USP6NL: variants seen among roughly 807,000 people sequenced by gnomAD.
USP6NL encodes USP6 N-terminal-like protein.
In USP6NL, 26 loss-of-function variants were observed where a neutral mutation model predicts 61.9. That is an observed-to-expected ratio of 0.42 (90% CI 0.31 to 0.58). The LOEUF is 0.58. Among genes scored for constraint, USP6NL ranks in the 20% least tolerant of loss-of-function variants. The probability of loss-of-function intolerance (pLI) is 0.16; values close to 1 mark genes in which losing one functional copy is unlikely to be tolerated. For synonymous variants in USP6NL, 432 were observed against 390.1 expected (o/e 1.11, Z -1.27); for missense variants, 1,114 against 1,034.3 (o/e 1.08, Z -1.06).
chr10:11,509,241 C>G (rs1278570713), intron 6 of USP6NL, among the ~76,000 whole-genome samples: 1 of 152,192 alleles, frequency 6.6e-6, no homozygotes, highest in Non-Finnish European at 1.5e-5. Flanking sequence ...TCCAGTGATT[C>G]TGACCTCAAA....
At chr10:11,514,885 C>A (rs1239468342) in intron 5 of USP6NL, among the ~76,000 whole-genome samples, 1 of 152,234 alleles carries the variant, frequency 6.6e-6, no homozygotes, top group Non-Finnish European at 1.5e-5. Flanking sequence ...CACCTCTACT[C>A]CCTCTGCTAT....
Position 11,585,304 on chromosome 10 carries a change from A to T in USP6NL, c.4+12327T>A, listed in dbSNP as rs1451467987. On this transcript the variant is annotated intron_variant, in intron 2 of 14. Coordinates refer to ENST00000609104, the MANE Select transcript of USP6NL (RefSeq NM_014688.5). This position sits in a 1 kb window ranked among gnomAD's most constrained non-coding sequence, Gnocchi z 4.5. Reference sequence around the variant, plus strand: ...CAGTATGGCAGTTCCTTGCAAAATTAAAAAAAAGAATTACAGTATGATCCA... The same window carrying T: ...CAGTATGGCAGTTCCTTGCAAAATTTAAAAAAAGAATTACAGTATGATCCA... Among the ~76,000 whole-genome samples the T allele has an allele frequency of 1.3e-5, 2 of 152,074 alleles. No homozygotes were observed. Among genetic ancestry groups the T allele is most frequent in the Non-Finnish European group, 2.9e-5 (2 of 68,016 alleles).
Position 11,611,237 on chromosome 10 carries a change from G to A in USP6NL, c.-84+206C>T, listed in dbSNP as rs927893657. On this transcript the variant is annotated intron_variant, in intron 1 of 14. Coordinates refer to ENST00000609104, the MANE Select transcript of USP6NL (RefSeq NM_014688.5). The surrounding 1 kb of genome is among the most constrained non-coding windows in gnomAD (Gnocchi z 5.3). Reference sequence around the variant, plus strand: ...GCCCCGCGGACCCCACGCTCCGGGCGCGGGGACACACAGGCAGCCCCCGCA... The same window carrying A: ...GCCCCGCGGACCCCACGCTCCGGGCACGGGGACACACAGGCAGCCCCCGCA... The A allele has an allele frequency of 6.6e-6, 1 of 151,630 alleles. No individual in the cohort carries two copies. The highest frequency in any genetic ancestry group is 1.5e-5 in the Non-Finnish European group (1 of 67,876). 9.4% of individuals were successfully genotyped at this position (151,630 alleles called of 1,614,324 possible).
intron 7 of USP6NL, among the ~76,000 whole-genome samples, chr10:11,497,093 CT>C (rs11287847): frequency 0.64 from 83,150 of 130,450 alleles, 26,889 homozygotes; most frequent in Middle Eastern, 0.71. Context: ...TCTCTTCCAT[CT>C]TTTTTTTTTT....
intron 10 of USP6NL, among the ~76,000 whole-genome samples, chr10:11,488,801 T>C (rs1400833706): frequency 3.3e-5 from 5 of 152,164 alleles, no homozygotes; most frequent in Non-Finnish European, 5.9e-5. Flanking sequence ...CCCAATAATA[T>C]ACCTGTTCTT....
chr10:11,462,405 G>GTT lies in USP6NL; in HGVS notation c.*34_*35dup. 1 of 1,591,346 alleles carries GTT rather than the reference G, an allele frequency of 6.3e-7. No homozygotes were observed. The highest frequency in any genetic ancestry group is 8.6e-7 in the Non-Finnish European group (1 of 1,168,958). ...AACATAGCAATGTAGGTTTCACGTG[G>GTT]TTTCTCTCTCGTCTTTAGCAAGTAC... is the stretch of plus-strand genomic sequence containing the variant. On this transcript the variant is annotated 3_prime_UTR_variant, in exon 15 of 15. Transcript: ENST00000609104.
chr10:11,586,634 T>G (rs145027400), intron 2 of USP6NL, among the ~76,000 whole-genome samples: 331 of 152,214 alleles, frequency 2.2e-3, no homozygotes, highest in African/African-American at 7.2e-3. Context: ...TTTAACATAG[T>G]GAGGTTACCA....
intron 2 of USP6NL, among the ~76,000 whole-genome samples, chr10:11,544,530 C>T (rs1272134723): frequency 6.6e-6 from 1 of 152,058 alleles, no homozygotes; most frequent in Non-Finnish European, 1.5e-5. Context: ...TCTTGTCGCA[C>T]AGGCTGGAGT....
At position 11,482,958 on chromosome 10, in the gene USP6NL, T is replaced by C. The variant is rs1833265534; in HGVS notation, c.926-1036A>G. On this transcript the variant is annotated intron_variant, in intron 13 of 14. Transcript: ENST00000609104. The surrounding 1 kb of genome is among the most constrained non-coding windows in gnomAD (Gnocchi z 4.0). ...TGACTAAGTCAAGCTAATTGACACA[T>C]CATTACCTCACATACTTATCTGTCC... 6.6e-6 allele frequency among the ~76,000 whole-genome samples: 1 copy of C among 152,194 alleles called. No homozygotes were observed. The highest frequency in any genetic ancestry group is 2.4e-5 in the African/African-American group (1 of 41,426).
Position 11,598,000 on chromosome 10 carries a change from A to G in USP6NL, c.-83-283T>C, listed in dbSNP as rs1381208345. 6.6e-6 allele frequency among the ~76,000 whole-genome samples: 1 copy of G among 152,210 alleles called. No homozygotes were observed. Among genetic ancestry groups the G allele is most frequent in the African/African-American group, 2.4e-5 (1 of 41,450 alleles). On this transcript the variant is annotated intron_variant, in intron 1 of 14. Coordinates refer to ENST00000609104, the MANE Select transcript of USP6NL (RefSeq NM_014688.5). This position sits in a 1 kb window ranked among gnomAD's most constrained non-coding sequence, Gnocchi z 4.6. Reference sequence around the variant, plus strand: ...ACAGGTGTCCTTCGTCTTCAACACTAAAAACATTTCTTCCCCATTCCCAGC... The same window carrying G: ...ACAGGTGTCCTTCGTCTTCAACACTGAAAACATTTCTTCCCCATTCCCAGC...
chr10:11,495,245 T>G lies in USP6NL; in HGVS notation c.385-2017A>C, dbSNP rs1833870299. Among the ~76,000 whole-genome samples the G allele has an allele frequency of 6.6e-6, 1 of 152,258 alleles. No individual in the cohort carries two copies. The highest frequency in any genetic ancestry group is 1.5e-5 in the Non-Finnish European group (1 of 68,038). ...CCTGGTTTTTCCTAGGTTATGATTA[T>G]AGAGCGAGGATTATTATAATATTGG... On this transcript the variant is annotated intron_variant, in intron 7 of 14. Transcript: ENST00000609104. This position sits in a 1 kb window ranked among gnomAD's most constrained non-coding sequence, Gnocchi z 4.6.
intron 2 of USP6NL, chr10:11,573,627 T>C: frequency 5.0e-6 from 2 of 398,958 alleles, no homozygotes; most frequent in Non-Finnish European, 8.9e-6. Flanking sequence ...GTGGCTGCTT[T>C]TTGCCTTGAT....
intron 6 of USP6NL, among the ~76,000 whole-genome samples, chr10:11,505,297 A>G (rs1013428644): frequency 1.3e-5 from 2 of 152,174 alleles, no homozygotes; most frequent in African/African-American, 2.4e-5. Context: ...CTTTCTGATT[A>G]TTTATTATGA....
chr10:11,531,668 TA>T (rs71511388), intron 2 of USP6NL, among the ~76,000 whole-genome samples: 230 of 137,132 alleles, frequency 1.7e-3, no homozygotes, highest in Non-Finnish European at 1.9e-3. Context: ...GATGTTTGTT[TA>T]AAAAAAAAAA....
Position 11,598,987 on chromosome 10 carries a change from T to G in USP6NL, c.-83-1270A>C, listed in dbSNP as rs1838420359. ...CTCTTTATCTGTCCACTTAAATGATTTCCATTTCCAGATAATGCAATTATC... is the reference window on the plus strand; with the variant it reads ...CTCTTTATCTGTCCACTTAAATGATGTCCATTTCCAGATAATGCAATTATC... On this transcript the variant is annotated intron_variant, in intron 1 of 14. Coordinates refer to ENST00000609104, the MANE Select transcript of USP6NL (RefSeq NM_014688.5). This position sits in a 1 kb window ranked among gnomAD's most constrained non-coding sequence, Gnocchi z 4.7. 6.6e-6 allele frequency among the ~76,000 whole-genome samples: 1 copy of G among 152,242 alleles called. No individual in the cohort carries two copies. Among genetic ancestry groups the G allele is most frequent in the African/African-American group, 2.4e-5 (1 of 41,456 alleles).
chr10:11,497,112 T>TTTTTTG (rs1325634631), intron 7 of USP6NL, among the ~76,000 whole-genome samples: 1 of 129,956 alleles, frequency 7.7e-6, no homozygotes, highest in African/African-American at 2.8e-5. Flanking sequence ...TTTTTTTTTT[T>TTTTTTG]TAAGATAATG....
chr10:11,596,590 C>T lies in USP6NL; in HGVS notation c.4+1041G>A, dbSNP rs1261983434. On this transcript the variant is annotated intron_variant, in intron 2 of 14. Transcript: ENST00000609104. This position sits in a 1 kb window ranked among gnomAD's most constrained non-coding sequence, Gnocchi z 4.1. ...AGTGAGCGGAGATGGTGCCACTGCA[C>T]TGCAGCCTGGGCGACAGAGGGAGAC... Among the ~76,000 whole-genome samples, 1 of 150,394 alleles carries T rather than the reference C, an allele frequency of 6.6e-6. No individual in the cohort carries two copies. The highest frequency in any genetic ancestry group is 2.5e-5 in the African/African-American group (1 of 40,724).
chr10:11,545,049 A>G (rs1836224693), intron 2 of USP6NL, among the ~76,000 whole-genome samples: 1 of 152,194 alleles, frequency 6.6e-6, no homozygotes, highest in South Asian at 2.1e-4. Flanking sequence ...AAGGACACTT[A>G]TTTTTCACTC....
In USP6NL at chr10:11,463,366, C is replaced by G; in HGVS notation, c.1562G>C (p.Gly521Ala). Residue 521 changes from glycine to alanine, a missense_variant, in exon 15 of 15, where the codon GGT (glycine) becomes GCT (alanine). Coordinates refer to ENST00000609104, the MANE Select transcript of USP6NL (RefSeq NM_014688.5). This position sits in a 1 kb window ranked among gnomAD's most constrained non-coding sequence, Gnocchi z 6.3. ...GTTTGACACCCGCACCTCGGCAGGA[C>G]CTGGGACGGTAACTGCGAGCGCGGG... ...AHPALAVTVPGPAEVRVSNVR... is the reference protein window; with the variant it reads ...AHPALAVTVPAPAEVRVSNVR... The G allele has an allele frequency of 6.2e-7, 1 of 1,613,994 alleles. No homozygotes were observed.
Sources: gnomAD v4.1 joint callset for allele counts (sites outside exome capture counted in the v4.1 genomes callset) on GRCh38, gnomAD v4.1.1 for gene constraint, Gnocchi (gnomAD v3.1) non-coding constraint, MANE v1.5 for transcripts, NCBI Gene and HGNC (gene_info 2026-07-23, HGNC 2026-07-21) for gene names.